Variants in POM121 observed in about 807,000 individuals in gnomAD.
The protein encoded by POM121 is nuclear envelope pore membrane protein POM 121.
In POM121, 32 loss-of-function variants were observed where a neutral mutation model predicts 81.3. That is an observed-to-expected ratio of 0.39 (90% confidence interval 0.30 to 0.53). The LOEUF (loss-of-function observed/expected upper bound fraction) is 0.53. Ranked by LOEUF, POM121 falls within the 20% of genes least tolerant of loss-of-function variation. The pLI is 0.66. For missense variants in POM121, 1,138 were observed against 1,614.6 expected (o/e 0.70, Z 5.06); for synonymous variants, 514 against 694.2 (o/e 0.74, Z 4.08).
At chr7:72,905,754 A>G (rs1444295535) in intron 3 of POM121, among the ~76,000 whole-genome samples, 5 of 152,192 alleles carry the variant, frequency 3.3e-5, no homozygotes, top group African/African-American at 1.2e-4. Flanking sequence ...TGAATCTTCT[A>G]TGGGCGAAGA....
At chr7:72,937,006 C>T (rs1478321957) in intron 5 of POM121, among the ~76,000 whole-genome samples, 3 of 151,814 alleles carry the variant, frequency 2.0e-5, no homozygotes, top group Admixed American at 2.0e-4. Context: ...CCTGTAATCC[C>T]AGCACTTTTG....
Position 72,943,280 on chromosome 7 carries a change from C to A in POM121, c.3287C>A (p.Pro1096His). 3 of 1,609,986 alleles carry A rather than the reference C, an allele frequency of 1.9e-6. No individual in the cohort carries two copies. Among genetic ancestry groups the A allele is most frequent in the Non-Finnish European group, 2.5e-6 (3 of 1,178,712 alleles). ...GTGTTTGGCAGCACAACACCATCAC[C>A]CTTCACGTTTGGGGGTTCGGCAGCC... ...SSVFGSTTPSPFTFGGSAAPA... is the reference protein window; with the variant it reads ...SSVFGSTTPSHFTFGGSAAPA... The change falls in exon 11 of 13, where the codon CCC becomes CAC. Residue 1096 changes from proline (P) to histidine (H), a missense_variant. By Grantham distance (77) the Pro-to-His change is moderately conservative (BLOSUM62 -2). Transcript: ENST00000434423.
At chr7:72,890,480 T>A in intron 1 of POM121, 1 of 1,057,360 alleles carries the variant, frequency 9.5e-7, no homozygotes, top group Non-Finnish European at 1.3e-6. Flanking sequence ...AAAGGATATG[T>A]GTTTCCAATA....
intron 3 of POM121, among the ~76,000 whole-genome samples, chr7:72,900,480 A>G (rs1476901615): frequency 6.6e-6 from 1 of 151,188 alleles, no homozygotes; most frequent in Non-Finnish European, 1.5e-5. Context: ...TTTTAACTTC[A>G]CTGATTTCTA....
chr7:72,938,586 T>C lies in POM121; in HGVS notation c.1276-4T>C. The C allele has an allele frequency of 6.2e-7, 1 of 1,613,778 alleles. No homozygotes were observed. Among genetic ancestry groups the C allele is most frequent in the Non-Finnish European group, 8.5e-7 (1 of 1,179,700 alleles). ...GGCTCAGTCATGTCCCTCTTGATTTTTAGCTCTGGAAGAGAAATGGCCCCA... is the reference window on the plus strand; with the variant it reads ...GGCTCAGTCATGTCCCTCTTGATTTCTAGCTCTGGAAGAGAAATGGCCCCA... On this transcript the variant is annotated splice_polypyrimidine_tract_variant and splice_region_variant and intron_variant, in intron 5 of 12. Transcript: ENST00000434423.
intron 11 of POM121, among the ~76,000 whole-genome samples, chr7:72,945,382 C>T (rs1374642600): frequency 6.6e-6 from 1 of 151,604 alleles, no homozygotes; most frequent in Admixed American, 6.6e-5. Flanking sequence ...TGGCCATTAG[C>T]GGGTGGGAGA....
chr7:72,882,445 A>G (rs1790255011), intron 1 of POM121, among the ~76,000 whole-genome samples: 1 of 152,180 alleles, frequency 6.6e-6, no homozygotes, highest in South Asian at 2.1e-4. Context: ...GATTTAAAAG[A>G]TTTTCTAGGA....
chr7:72,929,993 A>T lies in POM121; in HGVS notation c.1157A>T (p.Asn386Ile), dbSNP rs782411917. 53 of 1,613,854 alleles carry T rather than the reference A, an allele frequency of 3.3e-5. No homozygotes were observed. In the South Asian group the frequency reaches 5.6e-4, roughly 17 times the overall value. Reference protein sequence around the residue: ...LNSQSSDDHLNKRSRSSSMSS... With the variant: ...LNSQSSDDHLIKRSRSSSMSS... The stretch of plus-strand genomic sequence containing the variant: ...TCTCAGAGCTCAGATGACCACTTGA[A>T]TAAGAGATCCCGAAGCTCTTCCATG... Residue 386 changes from asparagine to isoleucine, a missense_variant, in exon 5 of 13, where the codon AAT becomes ATT. This residue lies in a region of POM121 where 646 missense variants were observed against 633.5 expected (regional missense o/e 1.02). Transcript: ENST00000434423.
At chr7:72,908,296 G>A (rs1793470193) in intron 3 of POM121, among the ~76,000 whole-genome samples, 1 of 152,150 alleles carries the variant, frequency 6.6e-6, no homozygotes, top group Admixed American at 6.6e-5. Flanking sequence ...TCACATGTCG[G>A]CAGGTTCCGT....
At chr7:72,907,678 T>C (rs1238531309) in intron 3 of POM121, among the ~76,000 whole-genome samples, 1 of 152,128 alleles carries the variant, frequency 6.6e-6, no homozygotes, top group African/African-American at 2.4e-5. Flanking sequence ...GCCTGGCTAA[T>C]TTTTATATTT....
chr7:72,898,170 G>A (rs1224765331), intron 3 of POM121, among the ~76,000 whole-genome samples: 3 of 152,194 alleles, frequency 2.0e-5, no homozygotes, highest in Admixed American at 2.0e-4. Context: ...AAAGACTGTG[G>A]GAGAAACCAG....
intron 11 of POM121, 122 bp from the exon 12 acceptor site, chr7:72,945,464 A>C (rs1454321063): frequency 4.3e-5 from 48 of 1,109,534 alleles, no homozygotes; most frequent in Non-Finnish European, 6.0e-5. Context: ...GGAGTGCCCC[A>C]GAAGCAGAAG....
intron 3 of POM121, among the ~76,000 whole-genome samples, chr7:72,896,230 A>G (rs2129575204): frequency 6.6e-6 from 1 of 151,992 alleles, no homozygotes. Context: ...TATGCCTGTA[A>G]TCCCAGCACT....
Position 72,894,615 on chromosome 7 carries a change from T to A in POM121, c.-216+3505T>A, listed in dbSNP as rs1318446672. On this transcript the variant is annotated intron_variant, in intron 3 of 15. Coordinates refer to the POM121 transcript ENST00000395270. Reference sequence around the variant, plus strand: ...AACTCTTTCTAGAGAGAGAGAGAGATGAGAGAGAGAGGAGAGAGAGAGAGA... The same window carrying A: ...AACTCTTTCTAGAGAGAGAGAGAGAAGAGAGAGAGAGGAGAGAGAGAGAGA... Among the ~76,000 whole-genome samples, 14 of 71,050 alleles carry A rather than the reference T, an allele frequency of 2.0e-4. 5 individuals carry two copies. Among genetic ancestry groups the A allele is most frequent in the Non-Finnish European group, 2.3e-4 (9 of 39,026 alleles). 46.6% of individuals were successfully genotyped at this position (71,050 alleles called of 152,430 possible).
upstream of POM121, among the ~76,000 whole-genome samples, chr7:72,921,960 A>AT (rs1407066241): frequency 2.0e-5 from 3 of 152,072 alleles, no homozygotes; most frequent in African/African-American, 7.2e-5. Flanking sequence ...CTTCACCCTT[A>AT]TTTTTTACTA....
At chr7:72,887,180 C>T (rs1436420979) in intron 1 of POM121, among the ~76,000 whole-genome samples, 1 of 152,148 alleles carries the variant, frequency 6.6e-6, no homozygotes, top group Non-Finnish European at 1.5e-5. Context: ...ATTTTCATCT[C>T]AGATATTGTA....
At chr7:72,910,948 A>T (rs1554494176) in intron 3 of POM121, among the ~76,000 whole-genome samples, 1 of 151,986 alleles carries the variant, frequency 6.6e-6, no homozygotes, top group African/African-American at 2.4e-5. Flanking sequence ...CCTTTCCAGA[A>T]TTTGTTGGTT....
At chr7:72,908,457 G>A (rs1793489240) in intron 3 of POM121, among the ~76,000 whole-genome samples, 3 of 152,172 alleles carry the variant, frequency 2.0e-5, no homozygotes, top group South Asian at 4.1e-4. Context: ...GAGATCACAG[G>A]ACCAGGGCAA....
At chr7:72,943,914 C>T (rs1354191905) in intron 11 of POM121, among the ~76,000 whole-genome samples, 14 of 152,200 alleles carry the variant, frequency 9.2e-5, no homozygotes, top group Admixed American at 4.6e-4. Flanking sequence ...GTGGTACCCA[C>T]CTGTAATCCC....
Sources: allele counts gnomAD v4.1 joint callset (sites outside exome capture counted in the v4.1 genomes callset), GRCh38; gene constraint gnomAD v4.1.1; regional missense constraint gnomAD v4.1.1; transcripts MANE v1.5; gene names NCBI Gene and HGNC (gene_info 2026-07-23, HGNC 2026-07-21).